Variants in SCIN observed in about 807,000 individuals in gnomAD.
The protein encoded by SCIN is scinderin.
A neutral mutation model predicts 91.8 loss-of-function variants in SCIN; 91 were observed. The observed-to-expected ratio is 0.99, with a 90% CI of 0.84 to 1.18. The LOEUF (loss-of-function observed/expected upper bound fraction) is 1.18, where lower values mean the gene tolerates loss of function less well. SCIN is among the 50% of genes most tolerant of loss of function. The pLI is 0.00. For missense variants in SCIN, 1,087 were observed against 863.9 expected, an observed-to-expected ratio of 1.26 and a Z score of -3.24; for synonymous variants, 367 against 312.6, an observed-to-expected ratio of 1.17 and a Z score of -1.84.
At chr7:12,581,397 T>G (rs1262917177) in intron 3 of SCIN, among the ~76,000 whole-genome samples, 176 bp downstream of exon 3, 1 of 152,208 alleles carries the variant, frequency 6.6e-6, no homozygotes, top group Non-Finnish European at 1.5e-5. Flanking sequence ...GACTTCAAAG[T>G]TTTTATTTTC....
chr7:12,576,506 CAGTT>C (rs1300324666), intron 1 of SCIN, among the ~76,000 whole-genome samples: 2 of 152,068 alleles, frequency 1.3e-5, no homozygotes, highest in Non-Finnish European at 2.9e-5. Context: ...TGAATACTGT[CAGTT>C]AGGGTTGTTC....
intron 3 of SCIN, among the ~76,000 whole-genome samples, chr7:12,603,842 A>T (rs1783014849): frequency 6.6e-6 from 1 of 152,076 alleles, no homozygotes. Flanking sequence ...CCTATTCTTG[A>T]ACAATTAATG....
intron 4 of SCIN, among the ~76,000 whole-genome samples, chr7:12,619,062 A>C (rs1212346377): frequency 6.6e-6 from 1 of 152,126 alleles, no homozygotes; most frequent in East Asian, 1.9e-4. Context: ...TAAAGTAATC[A>C]TGATACAGGT....
At position 12,625,431 on chromosome 7, in the gene SCIN, C is replaced by CTTTTTTTT. The variant is rs10656602; in HGVS notation, c.892+302_892+309dup. On this transcript the variant is annotated intron_variant, in intron 6 of 15. Transcript: ENST00000297029. ...AATATACCAGGAAATTTTTGCTATT[C>CTTTTTTTT]TTTTTTTTTTTTTTTTTTTTCCGTC... Among the ~76,000 whole-genome samples the CTTTTTTTT allele has an allele frequency of 2.2e-4, 21 of 97,516 alleles. 1 individual carries two copies. Among genetic ancestry groups the CTTTTTTTT allele is most frequent in the Non-Finnish European group, 2.8e-4 (15 of 52,726 alleles). The allele number at this position is 97,516 out of a possible 152,430, so 64.0% of individuals were successfully genotyped here. A position where few individuals can be genotyped will look rare whatever the true frequency, so the allele number is the denominator to read the frequency against.
intron 4 of SCIN, among the ~76,000 whole-genome samples, chr7:12,613,293 A>T (rs1391654743): frequency 6.6e-6 from 1 of 152,158 alleles, no homozygotes; most frequent in African/African-American, 2.4e-5. Context: ...ACACAGATAT[A>T]AAAGGGCCAG....
In SCIN at chr7:12,613,362, A is replaced by T. The variant is rs540524334; in HGVS notation, c.666+8699A>T. 5.3e-5 allele frequency among the ~76,000 whole-genome samples: 8 copies of T among 152,314 alleles called. No individual in the cohort carries two copies. In the South Asian group the frequency reaches 1.7e-3, roughly 32 times the overall value. Reference sequence around the variant, plus strand: ...TCATTTTGTAAATTAGTTTTTAAGTATATAATAATAAACAATAGTATTTAC... The same window carrying T: ...TCATTTTGTAAATTAGTTTTTAAGTTTATAATAATAAACAATAGTATTTAC... On this transcript the variant is annotated intron_variant, in intron 4 of 15. Coordinates refer to ENST00000297029, the MANE Select transcript of SCIN (RefSeq NM_001112706.3).
At chr7:12,593,997 C>T (rs187691784) in intron 3 of SCIN, among the ~76,000 whole-genome samples, 16 of 152,188 alleles carry the variant, frequency 1.1e-4, no homozygotes, top group South Asian at 1.0e-3. Context: ...GAGAAGGACC[C>T]GAGACGTTCT....
At position 12,653,379 on chromosome 7, in the gene SCIN, G is replaced by A. The variant is rs1784120780; in HGVS notation, c.*664G>A. ...ATTAGTCAGAGTTGTTTTTTAACATGCCAGAGAAAAAGTTGTAATGCCTTG... is the reference window on the plus strand; with the variant it reads ...ATTAGTCAGAGTTGTTTTTTAACATACCAGAGAAAAAGTTGTAATGCCTTG... On this transcript the variant is annotated 3_prime_UTR_variant, in exon 16 of 16. Coordinates refer to ENST00000297029, the MANE Select transcript of SCIN (RefSeq NM_001112706.3). The surrounding 1 kb of genome is among the most constrained non-coding windows in gnomAD (Gnocchi z 4.1). 6.6e-6 allele frequency: 1 copy of A among 152,092 alleles called. No individual in the cohort carries two copies. 9.4% of individuals were successfully genotyped at this position (152,092 alleles called of 1,614,324 possible).
intron 4 of SCIN, among the ~76,000 whole-genome samples, chr7:12,605,433 A>C (rs902157444): frequency 6.6e-6 from 1 of 152,168 alleles, no homozygotes; most frequent in African/African-American, 2.4e-5. Context: ...TCCAAAGTGC[A>C]TGGGACCAGA....
chr7:12,582,731 C>A (rs1343150430), intron 3 of SCIN, among the ~76,000 whole-genome samples: 1 of 151,948 alleles, frequency 6.6e-6, no homozygotes, highest in East Asian at 1.9e-4. Context: ...CTGTTCCACC[C>A]TTCCATTCTC....
intron 4 of SCIN, among the ~76,000 whole-genome samples, chr7:12,608,649 T>G (rs1185667452): frequency 6.6e-6 from 1 of 151,990 alleles, no homozygotes; most frequent in Non-Finnish European, 1.5e-5. Flanking sequence ...AGCTAATTTT[T>G]TGCATTTTTA....
Position 12,652,885 on chromosome 7 carries a change from C to T in SCIN, c.*170C>T, listed in dbSNP as rs1784110898. 2 of 715,064 alleles carry T rather than the reference C, an allele frequency of 2.8e-6. No homozygotes were observed. The highest frequency in any genetic ancestry group is 1.9e-5 in the African/African-American group (1 of 53,494). The allele number at this position is 715,064 out of a possible 1,614,324, so 44.3% of individuals were successfully genotyped here. ...TTGAGAGGATGAGGTAGGCGGATCA[C>T]TGGGGTCAGGATTTCGAGACCAGCC... On this transcript the variant is annotated 3_prime_UTR_variant, in exon 16 of 16. Transcript: ENST00000297029.
At chr7:12,636,888 C>T (rs985827836) in intron 10 of SCIN, among the ~76,000 whole-genome samples, 2 of 151,094 alleles carry the variant, frequency 1.3e-5, no homozygotes, top group Non-Finnish European at 2.9e-5. Context: ...TGAATATCTA[C>T]AATTATTATT....
intron 10 of SCIN, among the ~76,000 whole-genome samples, chr7:12,636,787 C>G (rs1036000153): frequency 6.6e-6 from 1 of 151,962 alleles, no homozygotes; most frequent in Admixed American, 6.6e-5. Context: ...ACGAGGATAT[C>G]GAACATTCCC....
intron 13 of SCIN, among the ~76,000 whole-genome samples, chr7:12,645,080 G>A (rs1254905101): frequency 6.6e-6 from 1 of 151,352 alleles, no homozygotes; most frequent in African/African-American, 2.4e-5. Flanking sequence ...AGCACTTTGG[G>A]AAGCTGAGAC....
chr7:12,650,475 A>G (rs1784057966), intron 14 of SCIN, among the ~76,000 whole-genome samples: 1 of 152,234 alleles, frequency 6.6e-6, no homozygotes, highest in Admixed American at 6.5e-5. Flanking sequence ...AAGATTTCCC[A>G]TGCCACATTT....
At chr7:12,617,783 A>G (rs926315490) in intron 4 of SCIN, among the ~76,000 whole-genome samples, 2 of 152,158 alleles carry the variant, frequency 1.3e-5, no homozygotes, top group African/African-American at 4.8e-5. Context: ...ATGGGCTCCA[A>G]TCAGAATAAA....
rs1232526215 is a variant in SCIN, at chr7:12,657,456, G to T, written c.*4741G>T. 1 of 144,380 alleles carries T rather than the reference G, an allele frequency of 6.9e-6. No individual in the cohort carries two copies. Among genetic ancestry groups the T allele is most frequent in the Non-Finnish European group, 1.5e-5 (1 of 66,614 alleles). The allele number at this position is 144,380 out of a possible 1,614,324, so 8.9% of individuals were successfully genotyped here. A position where few individuals can be genotyped will look rare whatever the true frequency, so the allele number is the denominator to read the frequency against. ...ACTCCTAGACTCAGGAAATCCACCT[G>T]CCTTGGCCTCCCAATATGCTGGGAT... On this transcript the variant is annotated 3_prime_UTR_variant, in exon 16 of 16. Coordinates refer to ENST00000297029, the MANE Select transcript of SCIN (RefSeq NM_001112706.3).
intron 4 of SCIN, among the ~76,000 whole-genome samples, chr7:12,610,283 C>G (rs938769289): frequency 3.9e-5 from 6 of 152,200 alleles, no homozygotes; most frequent in African/African-American, 1.2e-4. Flanking sequence ...TTACCCTATG[C>G]TGATCTGGCT....
Sources: gnomAD v4.1 joint callset for allele counts (sites outside exome capture counted in the v4.1 genomes callset) on GRCh38, gnomAD v4.1.1 for gene constraint, Gnocchi (gnomAD v3.1) non-coding constraint, MANE v1.5 for transcripts, NCBI Gene and HGNC (gene_info 2026-07-23, HGNC 2026-07-21) for gene names.